NBEA: variants seen among roughly 807,000 people sequenced by gnomAD.
NBEA encodes the protein lysosomal-trafficking regulator 2.
NBEA carries 44 observed loss-of-function variants against 343.4 expected under a neutral mutation model. The ratio of observed to expected loss-of-function variants is 0.13; its 90% CI spans 0.10 to 0.16. The LOEUF (loss-of-function observed/expected upper bound fraction) is 0.16, where lower values mean the gene tolerates loss of function less well. NBEA is among the 10% of genes least tolerant of loss of function. The probability of loss-of-function intolerance (pLI) is 1.00; values close to 1 mark genes in which losing one functional copy is unlikely to be tolerated. For missense variants in NBEA, 2,555 were observed against 3,631.3 expected (o/e 0.70, Z 7.62); for synonymous variants, 1,175 against 1,238.7 (o/e 0.95, Z 1.08).
intron 35 of NBEA, among the ~76,000 whole-genome samples, chr13:35,293,776 T>A (rs1421645318): frequency 2.0e-5 from 3 of 151,980 alleles, no homozygotes; most frequent in Non-Finnish European, 4.4e-5. Context: ...TAAGGAAGTC[T>A]CCATAAGATA....
intron 46 of NBEA, among the ~76,000 whole-genome samples, chr13:35,590,467 C>T (rs940310646): frequency 6.6e-6 from 1 of 152,068 alleles, no homozygotes; most frequent in African/African-American, 2.4e-5. Context: ...CAGATTCATT[C>T]ATAACTTTGT....
chr13:35,176,302 T>A (rs1298862443), intron 27 of NBEA, among the ~76,000 whole-genome samples: 2 of 152,060 alleles, frequency 1.3e-5, no homozygotes, highest in Non-Finnish European at 2.9e-5. Flanking sequence ...TGCATACCTA[T>A]TATGGGCTGG....
At chr13:35,317,054 G>A (rs948042191) in intron 36 of NBEA, among the ~76,000 whole-genome samples, 2 of 152,128 alleles carry the variant, frequency 1.3e-5, no homozygotes, top group Admixed American at 1.3e-4. Flanking sequence ...CTCCCATGCT[G>A]TAGGTTGCCT....
chr13:35,432,434 T>A, intron 39 of NBEA, 41 bp downstream of exon 39: 1 of 1,520,076 alleles, frequency 6.6e-7, no homozygotes, highest in African/African-American at 1.4e-5. Context: ...CTTCTGGATG[T>A]GAGGTGACTC....
chr13:35,437,437 A>G (rs891302313), intron 39 of NBEA, among the ~76,000 whole-genome samples: 1 of 152,144 alleles, frequency 6.6e-6, no homozygotes, highest in African/African-American at 2.4e-5. Flanking sequence ...AATATCCTTT[A>G]TACTGATGGA....
At chr13:35,581,884 TA>T (rs67036210) in intron 45 of NBEA, among the ~76,000 whole-genome samples, 47,916 of 110,350 alleles carry the variant, frequency 0.43, 8,694 homozygotes, top group Middle Eastern at 0.55. Flanking sequence ...AAAGTATAAT[TA>T]AAAAAAAAAA....
intron 5 of NBEA, among the ~76,000 whole-genome samples, chr13:35,049,284 T>C (rs1376427810): frequency 6.6e-6 from 1 of 151,852 alleles, no homozygotes; most frequent in Non-Finnish European, 1.5e-5. Flanking sequence ...TACTGTATGC[T>C]AGGCATTGTA....
At chr13:35,459,545 A>C (rs1026218193) in intron 40 of NBEA, among the ~76,000 whole-genome samples, 4 of 152,180 alleles carry the variant, frequency 2.6e-5, no homozygotes, top group Admixed American at 2.6e-4. Flanking sequence ...CCTCTGGGTA[A>C]CTCAAATAAC....
chr13:35,455,667 A>C (rs2046545612), intron 40 of NBEA, among the ~76,000 whole-genome samples: 1 of 152,154 alleles, frequency 6.6e-6, no homozygotes, highest in Non-Finnish European at 1.5e-5. Flanking sequence ...CTAAATAAAA[A>C]AGAGTTCGGC....
intron 1 of NBEA, among the ~76,000 whole-genome samples, chr13:34,976,963 A>C (rs1304162001): frequency 7.1e-6 from 1 of 140,944 alleles, no homozygotes; most frequent in African/African-American, 2.6e-5. Context: ...TTTTTGAGAC[A>C]GAGTTTTGCT....
chr13:35,087,141 C>A lies in NBEA; in HGVS notation c.1572-11156C>A, dbSNP rs56146387. On this transcript the variant is annotated intron_variant, in intron 10 of 58. Coordinates refer to ENST00000379939, the MANE Select transcript of NBEA (RefSeq NM_001385012.1). ...GATTGTTTCCTTTGCTGTGTAGAAG[C>A]TTTTTAGTTTTATATAGTCTCATTT... 3.3e-5 allele frequency among the ~76,000 whole-genome samples: 5 copies of A among 151,568 alleles called. 1 individual carries two copies. In the Admixed American group the frequency reaches 3.3e-4, roughly 10 times the overall value.
chr13:34,997,488 C>A (rs1187838825), intron 1 of NBEA, among the ~76,000 whole-genome samples: 1 of 152,132 alleles, frequency 6.6e-6, no homozygotes, highest in Non-Finnish European at 1.5e-5. Context: ...GCTAATATAT[C>A]AAAAACTCTT....
chr13:35,082,162 C>T (rs530055852), intron 10 of NBEA, among the ~76,000 whole-genome samples: 55 of 152,048 alleles, frequency 3.6e-4, no homozygotes, highest in African/African-American at 1.1e-3. Flanking sequence ...TGAGAACATG[C>T]GGTGTTTGGT....
intron 1 of NBEA, among the ~76,000 whole-genome samples, chr13:34,988,089 A>AT (rs752066511): frequency 3.3e-5 from 5 of 150,682 alleles, no homozygotes; most frequent in Non-Finnish European, 7.4e-5. Flanking sequence ...GGTTTTTAGA[A>AT]TTTTCAGCGT....
At chr13:35,006,549 G>A (rs199709442) in intron 1 of NBEA, among the ~76,000 whole-genome samples, 2 of 146,796 alleles carry the variant, frequency 1.4e-5, no homozygotes, top group South Asian at 2.3e-4. Context: ...CCTTTTTCTA[G>A]CCTTTATTTC....
Position 34,942,854 on chromosome 13 carries a change from C to A in NBEA, c.34C>A (p.Leu12Ile). Reference protein sequence around the residue: ...ASEKPGPGPGLEPQPVGLIAV... With the variant: ...ASEKPGPGPGIEPQPVGLIAV... ...CGAGAAGCCGGGCCCGGGCCCGGGG[C>A]TCGAGCCTCAGCCCGTGGGGCTCAT... Residue 12 changes from leucine to isoleucine, a missense_variant, in exon 1 of 59, where the codon CTC becomes ATC. Coordinates refer to ENST00000379939, the MANE Select transcript of NBEA (RefSeq NM_001385012.1). 1.5e-6 allele frequency: 2 copies of A among 1,373,840 alleles called. No homozygotes were observed. Among genetic ancestry groups the A allele is most frequent in the Non-Finnish European group, 1.9e-6 (2 of 1,059,198 alleles). 85.1% of individuals were successfully genotyped at this position (1,373,840 alleles called of 1,614,324 possible).
At chr13:35,476,759 G>T in intron 41 of NBEA, 1 of 1,052,648 alleles carries the variant, frequency 9.5e-7, no homozygotes. Flanking sequence ...AATCGCCACT[G>T]GGCTCGTCAC....
At position 35,128,174 on chromosome 13, in the gene NBEA, A is replaced by G. The variant is rs577215111; in HGVS notation, c.2336+4600A>G. On this transcript the variant is annotated intron_variant, in intron 17 of 58. Coordinates refer to ENST00000379939, the MANE Select transcript of NBEA (RefSeq NM_001385012.1). Reference sequence around the variant, plus strand: ...TGGGTGCAGCGCACCAGCATGGCACATGTATACCTACGTAACTAACCTGCA... The same window carrying G: ...TGGGTGCAGCGCACCAGCATGGCACGTGTATACCTACGTAACTAACCTGCA... 7.2e-5 allele frequency among the ~76,000 whole-genome samples: 11 copies of G among 152,074 alleles called. No homozygotes were observed. In the South Asian group the frequency reaches 2.1e-3, roughly 29 times the overall value.
intron 10 of NBEA, among the ~76,000 whole-genome samples, chr13:35,097,799 T>C (rs2065415480): frequency 6.6e-6 from 1 of 152,042 alleles, no homozygotes; most frequent in South Asian, 2.1e-4. Flanking sequence ...TACATATTTC[T>C]CTGGATTTTT....
Sources: allele counts gnomAD v4.1 joint callset (sites outside exome capture counted in the v4.1 genomes callset), GRCh38; gene constraint gnomAD v4.1.1; transcripts MANE v1.5; gene names NCBI Gene and HGNC (gene_info 2026-07-23, HGNC 2026-07-21).